Variants in IL17RD observed in about 807,000 individuals in gnomAD.
The protein encoded by IL17RD is interleukin 17 receptor D.
IL17RD carries 52 observed loss-of-function variants against 80.5 expected under a neutral mutation model. The ratio of observed to expected loss-of-function variants is 0.65; its 90% CI spans 0.52 to 0.81. IL17RD has a LOEUF of 0.81. IL17RD is among the 40% of genes least tolerant of loss of function. The pLI, the probability that IL17RD is intolerant of heterozygous loss-of-function variation, is 0.00. For missense variants in IL17RD, 1,024 were observed against 955.1 expected, an observed-to-expected ratio of 1.07 and a Z score of -0.95; for synonymous variants, 416 against 391.8, an observed-to-expected ratio of 1.06 and a Z score of -0.73.
At chr3:57,104,303 T>G in intron 8 of IL17RD, 39 bp downstream of exon 8, 1 of 1,405,730 alleles carries the variant, frequency 7.1e-7, no homozygotes, top group Non-Finnish European at 1.0e-6. Context: ...ACTGGGTTCA[T>G]TCTATAGCAT....
chr3:57,134,096 A>G (rs1276252106), intron 1 of IL17RD: 3 of 503,278 alleles, frequency 6.0e-6, no homozygotes, highest in African/African-American at 1.9e-5. Context: ...TTAAACTAAG[A>G]ATCGGGGAGC....
At chr3:57,164,522 AAGG>A (rs1234623180) in intron 1 of IL17RD, among the ~76,000 whole-genome samples, 1 of 152,204 alleles carries the variant, frequency 6.6e-6, no homozygotes, top group Non-Finnish European at 1.5e-5. Flanking sequence ...CGAAGCAGGG[AAGG>A]AGGATATCAG....
chr3:57,098,168 T>C lies in IL17RD; in HGVS notation c.1535A>G (p.His512Arg). ...DNLPQLCSHL[H>R]SRDHGLQEPG... ...CTCCTGGAGGCCGTGGTCTCGGGAGTGCAAGTGGGAACAGAGCTGAGGAAG... is the reference window on the plus strand; with the variant it reads ...CTCCTGGAGGCCGTGGTCTCGGGAGCGCAAGTGGGAACAGAGCTGAGGAAG... Residue 512 changes from histidine to arginine, a missense_variant, in exon 12 of 13, where the codon CAC becomes CGC. His to Arg is a conservative substitution (Grantham distance 29). Coordinates refer to ENST00000296318, the MANE Select transcript of IL17RD (RefSeq NM_017563.5). 2 of 1,613,664 alleles carry C rather than the reference T, an allele frequency of 1.2e-6. No homozygotes were observed. The highest frequency in any genetic ancestry group is 2.2e-5 in the South Asian group (2 of 91,068).
Position 57,094,802 on chromosome 3 carries a change from T to C in IL17RD, c.*1591A>G, listed in dbSNP as rs1706634483. On this transcript the variant is annotated 3_prime_UTR_variant, in exon 13 of 13. Transcript: ENST00000296318. ...CTCTTCTCTGAGTTGCCTGTTGTTATGGGGAGGCAGTCTTGCAGCTCACTG... is the reference window on the plus strand; with the variant it reads ...CTCTTCTCTGAGTTGCCTGTTGTTACGGGGAGGCAGTCTTGCAGCTCACTG... 1.3e-5 allele frequency: 2 copies of C among 152,470 alleles called. No homozygotes were observed. Among genetic ancestry groups the C allele is most frequent in the South Asian group, 4.1e-4 (2 of 4,820 alleles). 9.4% of individuals were successfully genotyped at this position (152,470 alleles called of 1,614,324 possible).
Position 57,127,295 on chromosome 3 carries a change from A to AT in IL17RD, c.127-6983_127-6982insA, listed in dbSNP as rs1559476969. ...ATAAAAATATATATAAATATATATAAATATATATAAAAATATATAAAAATA... is the reference window on the plus strand; with the variant it reads ...ATAAAAATATATATAAATATATATAATATATATATAAAAATATATAAAAATA... On this transcript the variant is annotated intron_variant, in intron 1 of 12. Coordinates refer to ENST00000296318, the MANE Select transcript of IL17RD (RefSeq NM_017563.5). Among the ~76,000 whole-genome samples, 158 of 87,790 alleles carry AT rather than the reference A, an allele frequency of 1.8e-3. 5 individuals are homozygous for AT. Among genetic ancestry groups the AT allele is most frequent in the African/African-American group, 8.6e-3 (143 of 16,604 alleles). 57.6% of individuals were successfully genotyped at this position (87,790 alleles called of 152,430 possible).
At chr3:57,098,740 C>G (rs980722424) in intron 11 of IL17RD, among the ~76,000 whole-genome samples, 1 of 152,220 alleles carries the variant, frequency 6.6e-6, no homozygotes, top group Admixed American at 6.5e-5. Flanking sequence ...CCTAGTCCCT[C>G]TGCAAAAACT....
intron 1 of IL17RD, chr3:57,134,618 C>T (rs991600903): frequency 2.2e-6 from 2 of 904,000 alleles, no homozygotes; most frequent in African/African-American, 3.3e-5. Context: ...AGGCTAAGGC[C>T]CGCAGGTCTA....
intron 8 of IL17RD, among the ~76,000 whole-genome samples, 166 bp downstream of exon 8, chr3:57,104,176 A>T (rs1272106311): frequency 6.6e-6 from 1 of 151,744 alleles, no homozygotes; most frequent in Non-Finnish European, 1.5e-5. Context: ...AGAGATCAAA[A>T]ATCAATTATA....
chr3:57,105,885 C>G lies in IL17RD; in HGVS notation c.719G>C (p.Gly240Ala), dbSNP rs1466601248. The change falls in exon 7 of 13, where the codon GGA becomes GCA. Residue 240 changes from glycine to alanine, a missense_variant. Transcript: ENST00000296318. The stretch of plus-strand genomic sequence containing the variant: ...CTTACAGGTCTTTCGCTTGAAAGGT[C>G]CTTCGTGCTTGAGCTTGTAGTGAAG... ...FYLHYKLKHE[G>A]PFKRKTCKQE... 1 of 1,613,884 alleles carries G rather than the reference C, an allele frequency of 6.2e-7. No individual in the cohort carries two copies. Among genetic ancestry groups the G allele is most frequent in the South Asian group, 1.1e-5 (1 of 91,048 alleles).
Position 57,101,486 on chromosome 3 carries a change from A to G in IL17RD, c.980-123T>C, listed in dbSNP as rs1706828444. On this transcript the variant is annotated intron_variant, in intron 10 of 12. Coordinates refer to ENST00000296318, the MANE Select transcript of IL17RD (RefSeq NM_017563.5). ...TCTACCTAGAGCAGTCCCATTCCCC[A>G]ACTCCATCAGCCCCCTCTGATCATC... 3.7e-5 allele frequency: 22 copies of G among 602,414 alleles called. 1 individual carries two copies. The South Asian group carries it at 5.1e-4, about 14-fold the overall frequency. 37.3% of individuals were successfully genotyped at this position (602,414 alleles called of 1,614,324 possible).
At chr3:57,107,074 AATTTT>A (rs1706980673) in intron 5 of IL17RD, among the ~76,000 whole-genome samples, 1 of 152,164 alleles carries the variant, frequency 6.6e-6, no homozygotes, top group Admixed American at 6.5e-5. Context: ...TGCCGTATGG[AATTTT>A]ATTTTAAGAA....
intron 5 of IL17RD, among the ~76,000 whole-genome samples, chr3:57,109,186 T>C (rs1221186933): frequency 6.6e-6 from 1 of 152,172 alleles, no homozygotes. Context: ...TCTTGCTCTA[T>C]CACTCAGGCT....
At position 57,148,103 on chromosome 3, in the gene IL17RD, G is replaced by GA. The variant is rs1559484305; in HGVS notation, c.126+17057_126+17058insT. Among the ~76,000 whole-genome samples the GA allele has an allele frequency of 2.0e-3, 166 of 81,686 alleles. 9 individuals are homozygous for GA. The highest frequency in any genetic ancestry group is 0.015 in the South Asian group (24 of 1,620). The allele number at this position is 81,686 out of a possible 152,430, so 53.6% of individuals were successfully genotyped here. A position where few individuals can be genotyped will look rare whatever the true frequency, so the allele number is the denominator to read the frequency against. On this transcript the variant is annotated intron_variant, in intron 1 of 12. Transcript: ENST00000296318. ...AGGCCAAGGTTGGGGGGGGGGGGGGGGCGATCGCTAGGTCAAGAGTTCAAG... is the reference window on the plus strand; with the variant it reads ...AGGCCAAGGTTGGGGGGGGGGGGGGGAGCGATCGCTAGGTCAAGAGTTCAAG...
At chr3:57,160,507 T>A (rs2060296654) in intron 1 of IL17RD, among the ~76,000 whole-genome samples, 1 of 152,038 alleles carries the variant, frequency 6.6e-6, no homozygotes, top group Non-Finnish European at 1.5e-5. Context: ...TGTCAAGTCC[T>A]CTTCACTCCA....
At chr3:57,110,987 G>A (rs1319245132) in intron 3 of IL17RD, among the ~76,000 whole-genome samples, 1 of 152,124 alleles carries the variant, frequency 6.6e-6, no homozygotes, top group Non-Finnish European at 1.5e-5. Context: ...CCAGCCTCCT[G>A]CCACCTGAGC....
In IL17RD at chr3:57,165,296, C is replaced by G. The variant is rs1308646605; in HGVS notation, c.-10G>C. The G allele has an allele frequency of 2.1e-6, 3 of 1,443,032 alleles. No homozygotes were observed. The highest frequency in any genetic ancestry group is 2.7e-6 in the Non-Finnish European group (3 of 1,093,822). The allele number at this position is 1,443,032 out of a possible 1,614,324, so 89.4% of individuals were successfully genotyped here. On this transcript the variant is annotated 5_prime_UTR_variant, in exon 1 of 13. Transcript: ENST00000296318. ...GCAGCCACGGGGCCATGGCCGTGCG[C>G]TCGCCCAGCCAGGCCGTTCTCTGCG... is the stretch of plus-strand genomic sequence containing the variant.
intron 1 of IL17RD, among the ~76,000 whole-genome samples, chr3:57,155,803 C>T (rs1222569316): frequency 6.6e-6 from 1 of 152,124 alleles, no homozygotes; most frequent in Non-Finnish European, 1.5e-5. Context: ...GTTGGCCAGG[C>T]TGGTCTTGAA....
chr3:57,144,032 A>T (rs377731556), intron 1 of IL17RD, among the ~76,000 whole-genome samples: 24 of 152,298 alleles, frequency 1.6e-4, no homozygotes, highest in Middle Eastern at 3.4e-3. Context: ...AGAAGCCAAG[A>T]GCTTTCTGCA....
chr3:57,167,134 G>A (rs2060351782), upstream of IL17RD, among the ~76,000 whole-genome samples: 1 of 152,202 alleles, frequency 6.6e-6, no homozygotes, highest in Non-Finnish European at 1.5e-5. Flanking sequence ...GCCAGGGAGA[G>A]GGAGAATGGG....
Sources: gnomAD v4.1 joint callset for allele counts (sites outside exome capture counted in the v4.1 genomes callset) on GRCh38, gnomAD v4.1.1 for gene constraint, MANE v1.5 for transcripts, NCBI Gene and HGNC (gene_info 2026-07-23, HGNC 2026-07-21) for gene names.